Variants in RORB observed in about 807,000 individuals in gnomAD.
RORB encodes nuclear receptor ROR-beta.
Under a neutral mutation model 59.1 loss-of-function variants are expected in RORB, and 6 were observed. The observed-to-expected ratio is 0.10, with a 90% CI of 0.06 to 0.20. The LOEUF (loss-of-function observed/expected upper bound fraction) is 0.20. RORB is among the 10% of genes least tolerant of loss of function. RORB has a pLI of 1.00. For synonymous variants in RORB, 215 were observed against 204.5 expected (o/e 1.05, Z -0.44); for missense variants, 320 against 560.5 (o/e 0.57, Z 4.33).
At chr9:74,546,052 G>C (rs1359071901) in intron 1 of RORB, among the ~76,000 whole-genome samples, 1 of 152,192 alleles carries the variant, frequency 6.6e-6, no homozygotes, top group Non-Finnish European at 1.5e-5. Context: ...CTAGATAAAA[G>C]GATGAATATA....
At chr9:74,642,097 A>AT (rs1428684776) in intron 3 of RORB, among the ~76,000 whole-genome samples, 1 of 151,970 alleles carries the variant, frequency 6.6e-6, no homozygotes, top group African/African-American at 2.4e-5. Flanking sequence ...GGTTTTTTGC[A>AT]TTTTTTTCCA....
At chr9:74,502,694 G>A (rs1188996952) in intron 1 of RORB, among the ~76,000 whole-genome samples, 1 of 151,988 alleles carries the variant, frequency 6.6e-6, no homozygotes, top group Non-Finnish European at 1.5e-5. Context: ...ATAAAGTGAG[G>A]CTTAAAATTG....
intron 1 of RORB, among the ~76,000 whole-genome samples, chr9:74,619,404 T>C (rs1390661770): frequency 1.3e-5 from 2 of 152,318 alleles, no homozygotes; most frequent in African/African-American, 4.8e-5. Flanking sequence ...AGACAGAAAC[T>C]TGGTTTTGCA....
chr9:74,514,151 T>G (rs1027807164), intron 1 of RORB, among the ~76,000 whole-genome samples: 1 of 152,138 alleles, frequency 6.6e-6, no homozygotes, highest in Non-Finnish European at 1.5e-5. Context: ...CAACAGCTAC[T>G]GCTTATTTCA....
intron 9 of RORB, among the ~76,000 whole-genome samples, chr9:74,676,454 G>T (rs1197177149): frequency 6.6e-6 from 1 of 152,202 alleles, no homozygotes; most frequent in Non-Finnish European, 1.5e-5. Flanking sequence ...CCATATGCAG[G>T]CTTAGAGAGG....
chr9:74,638,398 A>C lies in RORB; in HGVS notation c.235+3626A>C, dbSNP rs904667638. Among the ~76,000 whole-genome samples, 4 of 152,234 alleles carry C rather than the reference A, an allele frequency of 2.6e-5. No individual in the cohort carries two copies. The East Asian group carries it at 7.7e-4, about 29-fold the overall frequency. On this transcript the variant is annotated intron_variant, in intron 3 of 9. Transcript: ENST00000376896. ...TCTTTAGTATTATGGGATCAAAATG[A>C]GGGTTAAGAGCATATCATGAGCAAA...
chr9:74,661,062 C>A (rs1204839199), intron 5 of RORB, among the ~76,000 whole-genome samples: 1 of 152,222 alleles, frequency 6.6e-6, no homozygotes, highest in East Asian at 1.9e-4. Flanking sequence ...CTCTTGCTGA[C>A]TTCTTGGGTG....
chr9:74,597,117 G>T (rs1323367), intron 1 of RORB, among the ~76,000 whole-genome samples: 25,299 of 152,228 alleles, frequency 0.17, 2,135 homozygotes, highest in Admixed American at 0.21. Flanking sequence ...CCAAGGATTT[G>T]CATTTCCTTC....
intron 1 of RORB, among the ~76,000 whole-genome samples, chr9:74,586,258 G>T (rs1378805913): frequency 3.3e-5 from 5 of 152,146 alleles, no homozygotes; most frequent in African/African-American, 1.2e-4. Flanking sequence ...AGCACTTTGG[G>T]AGGCCAAAGC....
chr9:74,539,004 T>C (rs1333118888), intron 1 of RORB, among the ~76,000 whole-genome samples: 2 of 152,098 alleles, frequency 1.3e-5, no homozygotes, highest in Non-Finnish European at 2.9e-5. Context: ...AATTCTACAC[T>C]AATTAAATAC....
rs1403322398 is a variant in RORB at position 74,667,867 on chromosome 9, C to A, written c.1077C>A (p.Ile359=). The A allele has an allele frequency of 1.2e-6, 2 of 1,612,994 alleles. No individual in the cohort carries two copies. Among genetic ancestry groups the A allele is most frequent in the East Asian group, 2.2e-5 (1 of 44,852 alleles). ...LCSLQLTEEE[I]ALFSSAVLIS... ...CCTTGCAGCTGACCGAGGAGGAGAT[C>A]GCTTTGTTCTCATCTGCTGTTCTGA... The change falls in exon 8 of 10, where the codon ATC becomes ATA. Residue 359 remains isoleucine, a synonymous_variant. Coordinates refer to ENST00000376896, the MANE Select transcript of RORB (RefSeq NM_006914.4).
At position 74,665,537 on chromosome 9, in the gene RORB, A is replaced by G; in HGVS notation, c.942A>G (p.Leu314=). The G allele has an allele frequency of 1.2e-6, 2 of 1,613,276 alleles. No homozygotes were observed. The highest frequency in any genetic ancestry group is 1.7e-6 in the Non-Finnish European group (2 of 1,179,522). Residue 314 remains leucine, a synonymous_variant, in exon 7 of 10, where the codon TTA becomes TTG. Transcript: ENST00000376896. Reference sequence around the variant, plus strand: ...GAATGTGCCGTGCCTTCAACCCATTAAACAACACTGTTCTGTTTGAAGGAA... The same window carrying G: ...GAATGTGCCGTGCCTTCAACCCATTGAACAACACTGTTCTGTTTGAAGGAA... ...LVRMCRAFNP[L]NNTVLFEGKY...
At chr9:74,658,004 C>CAAAAAAAA (rs60719147) in intron 4 of RORB, among the ~76,000 whole-genome samples, 23 of 97,810 alleles carry the variant, frequency 2.4e-4, no homozygotes, top group South Asian at 4.0e-4. Context: ...GACTCGGTCT[C>CAAAAAAAA]AAAAAAAAAA....
At chr9:74,582,284 T>C (rs1188059626) in intron 1 of RORB, among the ~76,000 whole-genome samples, 1 of 152,206 alleles carries the variant, frequency 6.6e-6, no homozygotes, top group East Asian at 1.9e-4. Context: ...CTAGGGTAAC[T>C]GACTTCCTAC....
At chr9:74,661,405 A>G (rs1824177857) in intron 5 of RORB, among the ~76,000 whole-genome samples, 1 of 152,182 alleles carries the variant, frequency 6.6e-6, no homozygotes, top group Admixed American at 6.5e-5. Context: ...AATGTTTACA[A>G]TATGCTGATT....
At chr9:74,549,261 C>T (rs6560395) in intron 1 of RORB, among the ~76,000 whole-genome samples, 87,952 of 151,544 alleles carry the variant, frequency 0.58, 26,378 homozygotes, top group African/African-American at 0.72. Context: ...GCCTGGCTAA[C>T]ACGGTGAAAC....
rs115310434 is a variant in RORB, at chr9:74,594,376, C to A, written c.8-35906C>A. Among the ~76,000 whole-genome samples, 1,436 of 152,244 alleles carry A rather than the reference C, an allele frequency of 9.4e-3. 26 individuals are homozygous for A. Among genetic ancestry groups the A allele is most frequent in the African/African-American group, 0.033 (1,350 of 41,534 alleles). Reference sequence around the variant, plus strand: ...TCAGGTCCTCGATGGTTATTTCAATCAAACCTTATGGAAGCTCCAAACAAA... The same window carrying A: ...TCAGGTCCTCGATGGTTATTTCAATAAAACCTTATGGAAGCTCCAAACAAA... On this transcript the variant is annotated intron_variant, in intron 1 of 9. Coordinates refer to ENST00000376896, the MANE Select transcript of RORB (RefSeq NM_006914.4).
intron 1 of RORB, among the ~76,000 whole-genome samples, chr9:74,577,783 G>A (rs186236741): frequency 6.6e-6 from 1 of 152,136 alleles, no homozygotes; most frequent in African/African-American, 2.4e-5. Flanking sequence ...GGTTTATTAT[G>A]AGAAATAAAT....
intron 1 of RORB, among the ~76,000 whole-genome samples, chr9:74,550,081 A>G (rs111393984): frequency 6.0e-4 from 91 of 152,256 alleles, no homozygotes; most frequent in African/African-American, 2.1e-3. Flanking sequence ...AATTGCATCA[A>G]TTTAGAAACG....
Sources: gnomAD v4.1 joint callset for allele counts (sites outside exome capture counted in the v4.1 genomes callset) on GRCh38, gnomAD v4.1.1 for gene constraint, MANE v1.5 for transcripts, NCBI Gene and HGNC (gene_info 2026-07-23, HGNC 2026-07-21) for gene names.